Variants in TCF7L2 observed in about 807,000 individuals in gnomAD.
TCF7L2 encodes the protein transcription factor 7 like 2.
A neutral mutation model predicts 77.9 loss-of-function variants in TCF7L2; 23 were observed. The ratio of observed to expected loss-of-function variants is 0.30; its 90% confidence interval spans 0.21 to 0.42. The LOEUF is 0.42. Ranked by LOEUF, TCF7L2 falls within the 10% of genes least tolerant of loss-of-function variation. The pLI is 1.00. For missense variants in TCF7L2, 654 were observed against 793.1 expected (o/e 0.82, Z 2.11); for synonymous variants, 413 against 340.2 (o/e 1.21, Z -2.36).
intron 5 of TCF7L2, among the ~76,000 whole-genome samples, chr10:113,067,058 G>GT (rs761966030): frequency 6.6e-6 from 1 of 152,228 alleles, no homozygotes; most frequent in Non-Finnish European, 1.5e-5. Context: ...TAACCTTACT[G>GT]TAAGTGTGAT....
At chr10:113,097,646 G>GAAAAAAAAAAAAAA (rs869133669) in intron 5 of TCF7L2, among the ~76,000 whole-genome samples, 1 of 36,734 alleles carries the variant, frequency 2.7e-5, no homozygotes, top group African/African-American at 1.1e-4. Flanking sequence ...TCTTGTCTCG[G>GAAAAAAAAAAAAAA]AAAAAAAAAA....
At chr10:112,959,300 C>G (rs1183609739) in intron 3 of TCF7L2, among the ~76,000 whole-genome samples, 1 of 151,988 alleles carries the variant, frequency 6.6e-6, no homozygotes, top group Non-Finnish European at 1.5e-5. Context: ...GAATTTTGGT[C>G]TCAGGCAATG....
intron 3 of TCF7L2, among the ~76,000 whole-genome samples, chr10:112,958,151 G>GT (rs1380301135): frequency 2.6e-5 from 4 of 152,178 alleles, no homozygotes; most frequent in African/African-American, 4.8e-5. Context: ...CCCAAGATAG[G>GT]TTTTTTCTCC....
intron 5 of TCF7L2, among the ~76,000 whole-genome samples, chr10:113,046,507 C>A (rs1157789969): frequency 6.6e-6 from 1 of 152,164 alleles, no homozygotes; most frequent in African/African-American, 2.4e-5. Context: ...CTCCTTAATT[C>A]ATGTTTTGCT....
At chr10:113,018,170 T>G (rs1230407186) in intron 4 of TCF7L2, among the ~76,000 whole-genome samples, 1 of 152,174 alleles carries the variant, frequency 6.6e-6, no homozygotes, top group Non-Finnish European at 1.5e-5. Context: ...GATGATTACA[T>G]GAGCTGCGTA....
intron 5 of TCF7L2, among the ~76,000 whole-genome samples, chr10:113,079,639 C>G (rs1463865255): frequency 6.6e-6 from 1 of 152,124 alleles, no homozygotes; most frequent in Non-Finnish European, 1.5e-5. Context: ...ACCTGTTATA[C>G]TTATTCTGGC....
intron 4 of TCF7L2, among the ~76,000 whole-genome samples, chr10:112,991,526 A>T (rs184650764): frequency 2.2e-4 from 33 of 147,032 alleles, no homozygotes; most frequent in Non-Finnish European, 1.3e-4. Context: ...AAAGAAAGAA[A>T]AAAAAAGAAA....
At chr10:113,013,558 A>C (rs768681500) in intron 4 of TCF7L2, among the ~76,000 whole-genome samples, 1 of 152,258 alleles carries the variant, frequency 6.6e-6, no homozygotes, top group Non-Finnish European at 1.5e-5. Flanking sequence ...CTCATAGGTC[A>C]TAAGTGGATT....
intron 8 of TCF7L2, among the ~76,000 whole-genome samples, chr10:113,146,615 G>GT (rs954735201): frequency 1.2e-4 from 17 of 147,200 alleles, no homozygotes; most frequent in Admixed American, 8.8e-4. Context: ...TTTTAAAAAA[G>GT]TTTTTGTTTT....
chr10:113,131,401 TAA>T (rs2066580404), intron 5 of TCF7L2, among the ~76,000 whole-genome samples: 1 of 152,218 alleles, frequency 6.6e-6, no homozygotes, highest in Non-Finnish European at 1.5e-5. Flanking sequence ...TAGGATTGTG[TAA>T]ACTGTCAGGA....
rs192370725 is a variant in TCF7L2 at position 113,129,658 on chromosome 10, C to T, written c.553-11526C>T. ...GACAACTTTGAGCATTTTGAGCCTA[C>T]TCGGCCAGGAATCTGGAGCCATTTC... On this transcript the variant is annotated intron_variant, in intron 5 of 13. Transcript: ENST00000627217. 8.1e-3 allele frequency: 9,640 copies of T among 1,186,560 alleles called. 49 individuals are homozygous for T. Among genetic ancestry groups the T allele is most frequent in the Non-Finnish European group, 9.5e-3 (8,960 of 943,848 alleles). The allele number at this position is 1,186,560 out of a possible 1,614,324, so 73.5% of individuals were successfully genotyped here.
intron 5 of TCF7L2, among the ~76,000 whole-genome samples, chr10:113,112,933 G>T (rs1021132087): frequency 7.2e-5 from 11 of 152,156 alleles, no homozygotes; most frequent in African/African-American, 2.7e-4. Flanking sequence ...TGCTTTTCTG[G>T]TGGGTTTCTA....
chr10:113,125,572 T>A (rs2065457364), intron 5 of TCF7L2: 1 of 152,204 alleles, frequency 6.6e-6, no homozygotes, highest in Non-Finnish European at 1.5e-5. Flanking sequence ...TTGTCCCTGA[T>A]GGATGACTCG....
At chr10:113,140,775 C>A (rs2068222442) in intron 5 of TCF7L2, among the ~76,000 whole-genome samples, 1 of 152,100 alleles carries the variant, frequency 6.6e-6, no homozygotes. Context: ...TAGATGGTCC[C>A]CTGTGCAGCC....
intron 13 of TCF7L2, chr10:113,160,772 CTCGT>C: frequency 7.5e-7 from 1 of 1,332,810 alleles, no homozygotes; most frequent in Non-Finnish European, 1.0e-6. Context: ...TTATTTTGAC[CTCGT>C]TCCCCATCTA....
chr10:113,082,830 T>G (rs1226927121), intron 5 of TCF7L2, among the ~76,000 whole-genome samples: 1 of 151,670 alleles, frequency 6.6e-6, no homozygotes, highest in Non-Finnish European at 1.5e-5. Context: ...CCCTTAGAAG[T>G]CATCCAGCAG....
chr10:113,112,866 A>G (rs1009487282), intron 5 of TCF7L2, among the ~76,000 whole-genome samples: 6 of 152,154 alleles, frequency 3.9e-5, no homozygotes, highest in African/African-American at 1.4e-4. Flanking sequence ...CTGTGTATTC[A>G]GATCCTCCTC....
intron 5 of TCF7L2, among the ~76,000 whole-genome samples, chr10:113,101,011 G>C (rs2061570265): frequency 6.6e-6 from 1 of 152,044 alleles, no homozygotes; most frequent in Admixed American, 6.6e-5. Flanking sequence ...GGAGGAGGAG[G>C]TTGTGGTGAG....
chr10:113,028,535 T>C (rs992103922), intron 4 of TCF7L2, among the ~76,000 whole-genome samples: 5 of 152,002 alleles, frequency 3.3e-5, no homozygotes, highest in African/African-American at 1.2e-4. Flanking sequence ...CTCTTTCCAA[T>C]GTGACAAGGG....
Sources: gnomAD v4.1 joint callset for allele counts (sites outside exome capture counted in the v4.1 genomes callset) on GRCh38, gnomAD v4.1.1 for gene constraint, MANE v1.5 for transcripts, NCBI Gene and HGNC (gene_info 2026-07-23, HGNC 2026-07-21) for gene names.